ARHGEF25: variants seen among roughly 807,000 people sequenced by gnomAD.
ARHGEF25 encodes RAC/CDC42 exchange factor.
Under a neutral mutation model 74.0 loss-of-function variants are expected in ARHGEF25, and 42 were observed. That is an observed-to-expected ratio of 0.57 (90% CI 0.44 to 0.73). ARHGEF25 has a LOEUF of 0.73. ARHGEF25 is among the 30% of genes least tolerant of loss of function. The pLI, the probability that ARHGEF25 is intolerant of heterozygous loss-of-function variation, is 0.00. For missense variants in ARHGEF25, 645 were observed against 725.5 expected (o/e 0.89, Z 1.27); for synonymous variants, 293 against 278.6 (o/e 1.05, Z -0.51).
At chr12:57,610,341 T>C, upstream of ARHGEF25, 2 of 1,032,618 alleles carry the variant, frequency 1.9e-6, no homozygotes, top group Non-Finnish European at 2.8e-6. Context: ...CGCGGTGGGG[T>C]CGGGGGTCTT....
At position 57,616,265 on chromosome 12, in the gene ARHGEF25, G is replaced by T. The variant is rs776748558; in HGVS notation, c.1421-19G>T. On this transcript the variant is annotated intron_variant, in intron 13 of 14. Coordinates refer to ENST00000286494, the MANE Select transcript of ARHGEF25 (RefSeq NM_182947.4). ...CTGTCTCTGCGGTAACCCTCCTTCT[G>T]TTCCTCTCTTTGCTCCAGCATTGCA... The T allele has an allele frequency of 1.2e-6, 2 of 1,602,700 alleles. No individual in the cohort carries two copies. Among genetic ancestry groups the T allele is most frequent in the Non-Finnish European group, 8.5e-7 (1 of 1,175,878 alleles).
intron 1 of ARHGEF25, 40 bp downstream of exon 1, chr12:57,612,031 G>A (rs779006819): frequency 2.6e-5 from 31 of 1,214,104 alleles, no homozygotes; most frequent in Non-Finnish European, 3.2e-5. Context: ...TGAGTGGGGG[G>A]CGGGCTGGGG....
intron 1 of ARHGEF25, chr12:57,612,721 G>A: frequency 6.9e-7 from 1 of 1,443,712 alleles, no homozygotes; most frequent in South Asian, 1.6e-5. Context: ...CAGGCCTGGA[G>A]AGCCAGGCGT....
At chr12:57,610,272 T>C, upstream of ARHGEF25, 1 of 1,516,446 alleles carries the variant, frequency 6.6e-7, no homozygotes. Context: ...CTGGGGGTCA[T>C]GGGGGGCATG....
chr12:57,614,114 C>T lies in ARHGEF25; in HGVS notation c.651C>T (p.His217=), dbSNP rs376746783. 16 of 1,613,930 alleles carry T rather than the reference C, an allele frequency of 9.9e-6. No individual in the cohort carries two copies. Among genetic ancestry groups the T allele is most frequent in the Admixed American group, 1.7e-5 (1 of 59,994 alleles). Reference sequence around the variant, plus strand: ...ATATCCAGCAAATCTATGAGTGGCACCGAGAGTGAGTGGTGGAACTCTGAC... The same window carrying T: ...ATATCCAGCAAATCTATGAGTGGCATCGAGAGTGAGTGGTGGAACTCTGAC... ...FGNIQQIYEW[H]RDYFLQELQR... The change falls in exon 6 of 15, where the codon CAC becomes CAT. Residue 217 remains histidine (H), a synonymous_variant. Coordinates refer to ENST00000286494, the MANE Select transcript of ARHGEF25 (RefSeq NM_182947.4). The surrounding 1 kb of genome is among the most constrained non-coding windows in gnomAD (Gnocchi z 4.6).
chr12:57,616,598 G>T, intron 14 of ARHGEF25, 103 bp downstream of exon 14: 2 of 1,157,110 alleles, frequency 1.7e-6, no homozygotes, highest in Non-Finnish European at 2.5e-6. Context: ...CCTTTTATCT[G>T]GTCCTTCCTA....
In ARHGEF25 at chr12:57,611,903, G is replaced by C. The variant is rs371796937; in HGVS notation, c.9G>C (p.Gly3=). MR[G]GHKGGRCACP... ...GGGGGGGCCCGGGCGCCATGCGGGG[G>C]GGGCACAAAGGGGGTCGCTGTGCCT... Residue 3 remains glycine, a synonymous_variant, in exon 1 of 15, where the codon GGG becomes GGC. Transcript: ENST00000286494. The surrounding 1 kb of genome is among the most constrained non-coding windows in gnomAD (Gnocchi z 4.5). 1 of 1,256,178 alleles carries C rather than the reference G, an allele frequency of 8.0e-7. No homozygotes were observed. Among genetic ancestry groups the C allele is most frequent in the Admixed American group, 3.2e-5 (1 of 31,422 alleles). The allele number at this position is 1,256,178 out of a possible 1,614,324, so 77.8% of individuals were successfully genotyped here. A position where few individuals can be genotyped will look rare whatever the true frequency, so the allele number is the denominator to read the frequency against.
chr12:57,610,603 A>G (rs188074637), upstream of ARHGEF25: 1,023 of 1,612,194 alleles, frequency 6.3e-4, 7 homozygotes, highest in African/African-American at 0.012. Context: ...GTTGGTGGGT[A>G]CCGAGCCAGA....
chr12:57,613,748 G>A lies in ARHGEF25; in HGVS notation c.540G>A (p.Gly180=), dbSNP rs1159745630. 1.2e-6 allele frequency: 2 copies of A among 1,614,080 alleles called. No homozygotes were observed. The highest frequency in any genetic ancestry group is 8.5e-7 in the Non-Finnish European group (1 of 1,179,980). The change falls in exon 5 of 15, where the codon GGG becomes GGA. Residue 180 remains glycine (G), a synonymous_variant. Transcript: ENST00000286494. The part of the protein sequence containing the change: ...ETEKMYVDDL[G]QIVEGYMATM... ...AGAAAATGTACGTGGACGACTTGGG[G>A]CAGATTGTGGAGGTAGCTCCCTTTA...
intron 1 of ARHGEF25, chr12:57,612,711 C>G (rs1884103863): frequency 7.0e-7 from 1 of 1,431,510 alleles, no homozygotes; most frequent in Non-Finnish European, 9.1e-7. Context: ...CTGGGGGTTC[C>G]AGGCCTGGAG....
chr12:57,615,396 G>T, intron 11 of ARHGEF25, 82 bp downstream of exon 11: 1 of 1,582,008 alleles, frequency 6.3e-7, no homozygotes, highest in Non-Finnish European at 8.6e-7. Context: ...ATGGGGAGTT[G>T]TCTTCTCCTG....
At chr12:57,616,542 C>T (rs751173727) in intron 14 of ARHGEF25, 47 bp downstream of exon 14, 2 of 1,567,150 alleles carry the variant, frequency 1.3e-6, no homozygotes, top group Non-Finnish European at 1.7e-6. Flanking sequence ...AAGGGGAGAG[C>T]CTCTCTTGTT....
In ARHGEF25 at chr12:57,613,152, G is replaced by C; in HGVS notation, c.312+8G>C. On this transcript the variant is annotated splice_region_variant and intron_variant, in intron 2 of 14. Coordinates refer to ENST00000286494, the MANE Select transcript of ARHGEF25 (RefSeq NM_182947.4). ...CAGGCAGGACCATATGAGGTGAGCA[G>C]GGAACGGCACCAAAGCATGTGGGAC... is the stretch of plus-strand genomic sequence containing the variant. 1.2e-6 allele frequency: 2 copies of C among 1,611,560 alleles called. No homozygotes were observed. The highest frequency in any genetic ancestry group is 1.7e-6 in the Non-Finnish European group (2 of 1,178,116).
At chr12:57,610,186 C>G (rs1311192495), upstream of ARHGEF25, 1 of 1,469,470 alleles carries the variant, frequency 6.8e-7, no homozygotes, top group South Asian at 1.2e-5. Context: ...CCCCCTCGAC[C>G]CTGAAACTTG....
chr12:57,611,466 A>T lies in ARHGEF25; in HGVS notation c.-429A>T, dbSNP rs889036074. 3.0e-6 allele frequency: 3 copies of T among 985,000 alleles called. No individual in the cohort carries two copies. Among genetic ancestry groups the T allele is most frequent in the East Asian group, 2.3e-4 (2 of 8,754 alleles). 61.0% of individuals were successfully genotyped at this position (985,000 alleles called of 1,614,324 possible). ...CTCTCCGCTCCGCTGGGACCCGCACAGCGCCAGTGGCTCGGGGGTCGGCCC... is the reference window on the plus strand; with the variant it reads ...CTCTCCGCTCCGCTGGGACCCGCACTGCGCCAGTGGCTCGGGGGTCGGCCC... On this transcript the variant is annotated 5_prime_UTR_variant, in exon 1 of 15. Transcript: ENST00000286494. This position sits in a 1 kb window ranked among gnomAD's most constrained non-coding sequence, Gnocchi z 4.5.
chr12:57,613,869 C>A (rs1884165466), intron 5 of ARHGEF25, 109 bp downstream of exon 5: 2 of 1,492,362 alleles, frequency 1.3e-6, no homozygotes, highest in Admixed American at 1.8e-5. Flanking sequence ...CAAGCCTCCC[C>A]ACTCCTGGAC....
chr12:57,612,801 T>C, intron 1 of ARHGEF25, 129 bp from the exon 2 acceptor site: 12 of 1,499,010 alleles, frequency 8.0e-6, no homozygotes, highest in South Asian at 1.4e-5. Context: ...CAAATGAGGA[T>C]GGCAAGAGAG....
chr12:57,611,360 G>T (rs938662698), upstream of ARHGEF25: 17 of 864,208 alleles, frequency 2.0e-5, no homozygotes, highest in Non-Finnish European at 5.6e-6. The surrounding 1 kb of genome is among the most constrained non-coding windows in gnomAD (Gnocchi z 4.5). Context: ...GCAGGCAGGA[G>T]GGGGAACGCG....
At chr12:57,610,356 G>A, upstream of ARHGEF25, 1 of 1,384,196 alleles carries the variant, frequency 7.2e-7, no homozygotes, top group Middle Eastern at 1.9e-4. Flanking sequence ...GGTCTTTCGG[G>A]GCCTTCAGGA....
Sources: gnomAD v4.1 joint callset for allele counts on GRCh38, gnomAD v4.1.1 for gene constraint, Gnocchi (gnomAD v3.1) non-coding constraint, MANE v1.5 for transcripts, NCBI Gene and HGNC (gene_info 2026-07-23, HGNC 2026-07-21) for gene names.